Variants in MYO5B observed in about 807,000 individuals in gnomAD.
MYO5B encodes the protein myosin VB.
Under a neutral mutation model 229.3 loss-of-function variants are expected in MYO5B, and 143 were observed. The ratio of observed to expected loss-of-function variants is 0.62; its 90% CI spans 0.54 to 0.72. The LOEUF (loss-of-function observed/expected upper bound fraction) is 0.72, where lower values mean the gene tolerates loss of function less well. MYO5B is among the 30% of genes least tolerant of loss of function. MYO5B has a pLI of 0.00. For missense variants in MYO5B, 2,321 were observed against 2,331.0 expected (o/e 1.00, Z 0.09); for synonymous variants, 918 against 885.2 (o/e 1.04, Z -0.66).
intron 2 of MYO5B, among the ~76,000 whole-genome samples, chr18:50,052,136 A>T (rs1161833687): frequency 6.6e-6 from 1 of 152,174 alleles, no homozygotes; most frequent in East Asian, 1.9e-4. Flanking sequence ...CCATTGTGGA[A>T]GTCAGTGTGG....
intron 22 of MYO5B, among the ~76,000 whole-genome samples, chr18:49,885,694 A>G (rs180873680): frequency 6.6e-6 from 1 of 152,262 alleles, no homozygotes; most frequent in East Asian, 1.9e-4. Context: ...CACCCTCGGC[A>G]TCAGGTAGAA....
At chr18:50,050,404 G>T (rs1470266703) in intron 2 of MYO5B, among the ~76,000 whole-genome samples, 1 of 152,198 alleles carries the variant, frequency 6.6e-6, no homozygotes, top group African/African-American at 2.4e-5. Context: ...TAGTGGTTTT[G>T]TGAGACTATA....
chr18:49,836,083 G>A (rs983866835), intron 38 of MYO5B, among the ~76,000 whole-genome samples: 3 of 152,194 alleles, frequency 2.0e-5, no homozygotes, highest in African/African-American at 7.2e-5. Context: ...AAGGAAAGGT[G>A]TTCACTTTGC....
intron 39 of MYO5B, among the ~76,000 whole-genome samples, chr18:49,826,991 A>C (rs914589660): frequency 6.6e-6 from 1 of 152,034 alleles, no homozygotes; most frequent in Non-Finnish European, 1.5e-5. Flanking sequence ...TAATCCTGGC[A>C]CCACCCTGGG....
intron 10 of MYO5B, among the ~76,000 whole-genome samples, chr18:49,963,521 C>A (rs1855280001): frequency 2.0e-5 from 3 of 152,078 alleles, no homozygotes; most frequent in Admixed American, 2.0e-4. Flanking sequence ...CTCCCAGTCT[C>A]AAGGGATCCT....
chr18:49,861,328 G>A (rs2024325992), intron 29 of MYO5B, among the ~76,000 whole-genome samples: 1 of 152,216 alleles, frequency 6.6e-6, no homozygotes, highest in Non-Finnish European at 1.5e-5. Flanking sequence ...CTGGATCCCT[G>A]ACAACCGCTG....
In MYO5B at chr18:50,092,542, C is replaced by T. The variant is rs534225916; in HGVS notation, c.28-37164G>A. ...TTTGTTTTTTGTTTTTTTTTAAACA[C>T]AAGAGCACCCAGTCTGCTCAAAGAA... On this transcript the variant is annotated intron_variant, in intron 1 of 39. Transcript: ENST00000285039. 2.0e-3 allele frequency among the ~76,000 whole-genome samples: 298 copies of T among 152,092 alleles called. 1 individual carries two copies. Among genetic ancestry groups the T allele is most frequent in the African/African-American group, 3.3e-3 (137 of 41,474 alleles).
intron 1 of MYO5B, among the ~76,000 whole-genome samples, chr18:50,057,639 T>G (rs985877363): frequency 1.9e-4 from 29 of 152,148 alleles, no homozygotes; most frequent in African/African-American, 6.5e-4. Context: ...TGTACCTTTC[T>G]AGTTATATAA....
intron 1 of MYO5B, among the ~76,000 whole-genome samples, chr18:50,092,388 C>T (rs1315505654): frequency 1.3e-5 from 2 of 152,204 alleles, no homozygotes; most frequent in African/African-American, 4.8e-5. Flanking sequence ...GGTTGAGGGA[C>T]AGGCCCAAGG....
At chr18:49,869,863 C>T (rs1029462736) in intron 27 of MYO5B, among the ~76,000 whole-genome samples, 1 of 152,116 alleles carries the variant, frequency 6.6e-6, no homozygotes, top group East Asian at 1.9e-4. Flanking sequence ...CTCAGTGATG[C>T]TGATGCCATC....
At chr18:49,875,618 C>A (rs2024510477) in intron 26 of MYO5B, 69 bp downstream of exon 26, 7 of 1,604,072 alleles carry the variant, frequency 4.4e-6, no homozygotes. Context: ...GCCACATGAG[C>A]CCTGGACACA....
rs146812226 is a variant in MYO5B at position 50,187,726 on chromosome 18, A to G, written c.27+7041T>C. Among the ~76,000 whole-genome samples the G allele has an allele frequency of 2.0e-5, 3 of 152,308 alleles. No homozygotes were observed. In the East Asian group the frequency reaches 5.8e-4, roughly 29 times the overall value. On this transcript the variant is annotated intron_variant, in intron 1 of 39. Transcript: ENST00000285039. ...GAGATGAGGTCTCGCTATGTTGTCC[A>G]GGCTAGTCTCGAACTCCTGGGTTTA... is the stretch of plus-strand genomic sequence containing the variant.
chr18:49,875,150 G>T (rs1015220328), intron 26 of MYO5B, among the ~76,000 whole-genome samples: 1 of 152,172 alleles, frequency 6.6e-6, no homozygotes, highest in African/African-American at 2.4e-5. Flanking sequence ...GAGATGGAAT[G>T]ATTACTTTTG....
chr18:49,848,380 C>T (rs562803546), intron 32 of MYO5B, among the ~76,000 whole-genome samples: 102 of 152,210 alleles, frequency 6.7e-4, no homozygotes, highest in African/African-American at 2.3e-3. Context: ...GGGACTCTTA[C>T]ATCCAGGTTC....
At chr18:50,103,570 G>A (rs115385945) in intron 1 of MYO5B, among the ~76,000 whole-genome samples, 145 of 152,262 alleles carry the variant, frequency 9.5e-4, no homozygotes, top group African/African-American at 3.4e-3. Flanking sequence ...GCAACAAAGT[G>A]AGGCCCTATA....
chr18:50,080,018 T>C (rs1006509857), intron 1 of MYO5B, among the ~76,000 whole-genome samples: 6 of 152,064 alleles, frequency 3.9e-5, no homozygotes, highest in Non-Finnish European at 8.8e-5. Flanking sequence ...AAATATAAAG[T>C]TTACAATTTA....
intron 9 of MYO5B, among the ~76,000 whole-genome samples, chr18:49,976,850 AGAGTT>A (rs1297914893): frequency 4.6e-5 from 7 of 152,188 alleles, no homozygotes; most frequent in Middle Eastern, 3.2e-3. Context: ...CATATGTAGT[AGAGTT>A]AAGTGCCTGG....
chr18:49,891,827 G>T (rs1051750752), intron 22 of MYO5B, among the ~76,000 whole-genome samples: 1 of 152,192 alleles, frequency 6.6e-6, no homozygotes, highest in Admixed American at 6.5e-5. Flanking sequence ...TCAACTAGTG[G>T]CTAGTGGTTC....
intron 21 of MYO5B, among the ~76,000 whole-genome samples, chr18:49,896,852 T>A (rs558924451): frequency 2.0e-4 from 31 of 152,284 alleles, no homozygotes; most frequent in African/African-American, 7.5e-4. Context: ...CCCAGCTCTA[T>A]CCTTGATCAG....
Sources: allele counts gnomAD v4.1 joint callset (sites outside exome capture counted in the v4.1 genomes callset), GRCh38; gene constraint gnomAD v4.1.1; transcripts MANE v1.5; gene names NCBI Gene and HGNC (gene_info 2026-07-23, HGNC 2026-07-21).